Variants in TRPM5 observed in about 807,000 individuals in gnomAD.
TRPM5 encodes the protein transient receptor potential cation channel subfamily M member 5, also known as MLSN1 and TRP-related.
In TRPM5, 121 loss-of-function variants were observed where a neutral mutation model predicts 124.9. The ratio of observed to expected loss-of-function variants is 0.97; its 90% confidence interval spans 0.84 to 1.13. The LOEUF is 1.13. TRPM5 is among the 50% of genes most tolerant of loss of function. TRPM5 has a pLI of 0.00. For missense variants in TRPM5, 1,643 were observed against 1,589.1 expected (o/e 1.03, Z -0.58); for synonymous variants, 781 against 700.5 (o/e 1.11, Z -1.81).
chr11:2,437,297 G>A, the TRPM5 span, among the ~76,000 whole-genome samples: 7 of 152,196 alleles, frequency 4.6e-5, no homozygotes, highest in Non-Finnish European at 8.8e-5. This position sits in a 1 kb window ranked among gnomAD's most constrained non-coding sequence, Gnocchi z 5.6. Context: ...TGTGAATTGG[G>A]AGACAGGTCA....
exon 2 of TRPM5, chr11:2,422,164 A>G (rs1453899094): frequency 1.2e-6 from 2 of 1,610,452 alleles, no homozygotes; most frequent in Non-Finnish European, 1.7e-6. Context: ...CGCCTTCACC[A>G]GCCCCTTGCG....
the TRPM5 span, among the ~76,000 whole-genome samples, chr11:2,431,753 C>T: frequency 6.6e-6 from 1 of 152,144 alleles, no homozygotes; most frequent in South Asian, 2.1e-4. Context: ...ACCCCCTCAC[C>T]CTAGACCACA....
the TRPM5 span, among the ~76,000 whole-genome samples, chr11:2,438,584 C>G: frequency 6.6e-6 from 1 of 152,100 alleles, no homozygotes; most frequent in Admixed American, 6.6e-5. The surrounding 1 kb of genome is among the most constrained non-coding windows in gnomAD (Gnocchi z 5.9). Flanking sequence ...GGAGGATCAC[C>G]TAAGCCTGGG....
chr11:2,405,980 C>A, intron 22 of TRPM5, 39 bp downstream of exon 27: 1 of 1,579,750 alleles, frequency 6.3e-7, no homozygotes, highest in South Asian at 1.1e-5. Context: ...CGCAGCCACC[C>A]GCCTCCCATC....
rs367610086 is a variant in TRPM5, at chr11:2,413,552, C to T, written c.1927G>A (p.Ala643Thr). 4.8e-5 allele frequency: 78 copies of T among 1,612,426 alleles called. No homozygotes were observed. Among genetic ancestry groups the T allele is most frequent in the Middle Eastern group, 1.6e-4 (1 of 6,080 alleles). ...AGCAGCCGCAGGATGGGCGTGCCTGCGGCCATGTCCCCCCACCAGATCCTG... is the reference window on the plus strand; with the variant it reads ...AGCAGCCGCAGGATGGGCGTGCCTGTGGCCATGTCCCCCCACCAGATCCTG... Residue 643 changes from alanine to threonine, a missense_variant, in exon 13 of 24, where the codon GCA becomes ACA. Transcript: ENST00000155858.
intron 15 of TRPM5, 37 bp from the exon 21 acceptor site, chr11:2,412,290 A>G: frequency 1.3e-6 from 2 of 1,527,280 alleles, no homozygotes; most frequent in Non-Finnish European, 1.8e-6. Context: ...ACAGCTGTCC[A>G]GCCGCCCTCG....
In TRPM5 at chr11:2,421,191, C is replaced by T; in HGVS notation, c.306G>A (p.Trp102Ter). ...CCACGCGGAGGGCACTGGTCAGGATCCAGGCTCCTGTGGGGATGGAAGAGG... is the reference window on the plus strand; with the variant it reads ...CCACGCGGAGGGCACTGGTCAGGATTCAGGCTCCTGTGGGGATGGAAGAGG... Residue 102 changes from tryptophan to a stop codon, truncating the protein, a stop_gained, in exon 3 of 24, where the codon TGG becomes TGA. Transcript: ENST00000155858. LOFTEE classifies it high-confidence loss of function. The T allele has an allele frequency of 6.5e-7, 1 of 1,538,574 alleles. No homozygotes were observed. Among genetic ancestry groups the T allele is most frequent in the East Asian group, 2.5e-5 (1 of 40,404 alleles).
At chr11:2,411,807 A>G in intron 16 of TRPM5, 40 bp from the exon 22 acceptor site, 1 of 1,607,900 alleles carries the variant, frequency 6.2e-7, no homozygotes. Flanking sequence ...GGGCCCAGAG[A>G]GGGGCAGAGG....
chr11:2,411,336 C>A lies in TRPM5; in HGVS notation c.2782+16G>T. ...CAATTTCTCCCTGCCCCTGCCCCCG[C>A]TGGCTGTGTGCAAACCATCAATCTC... is the stretch of plus-strand genomic sequence containing the variant. On this transcript the variant is annotated intron_variant, in intron 18 of 23. Transcript: ENST00000155858. 2.6e-6 allele frequency: 4 copies of A among 1,564,052 alleles called. No individual in the cohort carries two copies. Among genetic ancestry groups the A allele is most frequent in the Non-Finnish European group, 3.5e-6 (4 of 1,150,612 alleles).
At chr11:2,413,407 G>A (rs1850494470) in intron 13 of TRPM5, 69 bp downstream of exon 18, 1 of 1,456,074 alleles carries the variant, frequency 6.9e-7, no homozygotes, top group Non-Finnish European at 9.3e-7. Flanking sequence ...CGAGGCCCAG[G>A]CCCTCCCCGT....
Position 2,412,989 on chromosome 11 carries a change from G to T in TRPM5, c.2120C>A (p.Pro707Gln), listed in dbSNP as rs144597111. The T allele has an allele frequency of 2.5e-6, 4 of 1,605,762 alleles. No homozygotes were observed. In the Admixed American group the frequency reaches 6.8e-5, roughly 27 times the overall value. Residue 707 changes from proline to glutamine, a missense_variant, in exon 15 of 24, where the codon CCG becomes CAG. Physicochemically the swap from Pro to Gln is moderately conservative, Grantham distance 76 (BLOSUM62 -1). Coordinates refer to ENST00000155858, the Ensembl canonical transcript of TRPM5. ...TGGGCCTCGGTCACCCTGAGCCCTC[G>T]GCGCCTCCACCAGCTCCTCCACCCT... is the stretch of plus-strand genomic sequence containing the variant.
exon 24 of TRPM5, chr11:2,404,636 T>G: frequency 2.7e-6 from 1 of 371,784 alleles, no homozygotes; most frequent in South Asian, 4.7e-5. Context: ...GGGCCAGCTT[T>G]TCCACAGTGC....
chr11:2,435,622 C>T, the TRPM5 span, among the ~76,000 whole-genome samples: 2 of 146,544 alleles, frequency 1.4e-5, no homozygotes, highest in South Asian at 2.3e-4. The surrounding 1 kb of genome is among the most constrained non-coding windows in gnomAD (Gnocchi z 4.1). Context: ...CATCCATCCA[C>T]CCATCCACCA....
chr11:2,422,409 C>G, intron 1 of TRPM5, 88 bp from the exon 7 acceptor site: 1 of 974,506 alleles, frequency 1.0e-6, no homozygotes, highest in Non-Finnish European at 1.4e-6. Context: ...CAAGGGGGCA[C>G]TGGGGAGGTG....
chr11:2,407,420 T>C (rs567285072), intron 19 of TRPM5, 120 bp from the exon 25 acceptor site: 4 of 996,748 alleles, frequency 4.0e-6, no homozygotes, highest in Non-Finnish European at 4.4e-6. Flanking sequence ...CAGCACTGCT[T>C]CTGCGTTGCC....
At chr11:2,425,288 C>T (rs1845829991), upstream of TRPM5, among the ~76,000 whole-genome samples, 1 of 152,214 alleles carries the variant, frequency 6.6e-6, no homozygotes, top group Admixed American at 6.5e-5. Flanking sequence ...CGTGCTCCCC[C>T]TGGAAGCTCT....
At chr11:2,413,252 C>T in intron 13 of TRPM5, 26 bp from the exon 19 acceptor site, 2 of 1,512,302 alleles carry the variant, frequency 1.3e-6, no homozygotes, top group South Asian at 2.5e-5. Context: ...AGCTCAGGGC[C>T]CGCAGGAAGG....
chr11:2,432,123 C>T, the TRPM5 span, among the ~76,000 whole-genome samples: 1 of 152,236 alleles, frequency 6.6e-6, no homozygotes, highest in Non-Finnish European at 1.5e-5. Flanking sequence ...TGGGCCGGGG[C>T]TCCACTGTCT....
intron 12 of TRPM5, 52 bp downstream of exon 17, chr11:2,414,009 G>GGGGCGCCCCCCCCCCCCCC: frequency 2.9e-6 from 3 of 1,023,730 alleles, no homozygotes; most frequent in African/African-American, 1.6e-5. Flanking sequence ...GGCCCAGCTC[G>GGGGCGCCCCCCCCCCCCCC]CCCGCCCACC....
Sources: gnomAD v4.1 joint callset for allele counts (sites outside exome capture counted in the v4.1 genomes callset) on GRCh38, gnomAD v4.1.1 for gene constraint, Gnocchi (gnomAD v3.1) non-coding constraint, MANE v1.5 for transcripts, NCBI Gene and HGNC (gene_info 2026-07-23, HGNC 2026-07-21) for gene names.